RUVBL1: variants seen among roughly 807,000 people sequenced by gnomAD.
The protein encoded by RUVBL1 is RuvB like AAA ATPase 1.
A neutral mutation model predicts 52.4 loss-of-function variants in RUVBL1; 4 were observed. The observed-to-expected ratio is 0.08, with a 90% CI of 0.04 to 0.17. RUVBL1 has a LOEUF of 0.17. Ranked by LOEUF, RUVBL1 falls within the 10% of genes least tolerant of loss-of-function variation. The pLI is 1.00. For missense variants in RUVBL1, 298 were observed against 572.8 expected (o/e 0.52, Z 4.90); for synonymous variants, 217 against 214.4 (o/e 1.01, Z -0.10).
intron 7 of RUVBL1, among the ~76,000 whole-genome samples, chr3:128,098,318 C>T (rs1287988117): frequency 6.6e-6 from 1 of 152,182 alleles, no homozygotes; most frequent in Non-Finnish European, 1.5e-5. Flanking sequence ...ACAGAAAGGT[C>T]TCAGATTGCT....
chr3:128,071,908 G>A (rs533072811), intron 9 of RUVBL1, among the ~76,000 whole-genome samples: 1 of 152,222 alleles, frequency 6.6e-6, no homozygotes, highest in Non-Finnish European at 1.5e-5. Flanking sequence ...GGCTCTGCCC[G>A]TGAGGCAGAG....
At chr3:128,080,672 G>A (rs1385222134), downstream of RUVBL1, among the ~76,000 whole-genome samples, 5 of 152,276 alleles carry the variant, frequency 3.3e-5, no homozygotes. Context: ...CCTCAAAACT[G>A]TCAGGGTCAT....
chr3:128,118,474 A>T (rs1278365466), intron 2 of RUVBL1, among the ~76,000 whole-genome samples: 1 of 152,176 alleles, frequency 6.6e-6, no homozygotes, highest in Non-Finnish European at 1.5e-5. Context: ...TAGCAAGTCA[A>T]TACTAGAGCT....
chr3:128,115,659 A>T (rs1409374649), intron 2 of RUVBL1, among the ~76,000 whole-genome samples: 1 of 152,214 alleles, frequency 6.6e-6, no homozygotes. Context: ...AATGAAAGAC[A>T]TATGCTTCTA....
chr3:128,127,433 T>C (rs1238866101), upstream of RUVBL1, among the ~76,000 whole-genome samples: 3 of 152,190 alleles, frequency 2.0e-5, no homozygotes, highest in Non-Finnish European at 4.4e-5. Context: ...ACCTTTGCTC[T>C]TTCACCTCCA....
At chr3:128,106,588 T>C (rs1285242670) in intron 3 of RUVBL1, among the ~76,000 whole-genome samples, 1 of 152,164 alleles carries the variant, frequency 6.6e-6, no homozygotes, top group Non-Finnish European at 1.5e-5. Flanking sequence ...CCTCTGCAGA[T>C]TGCCCACACC....
chr3:128,109,808 A>ATTT (rs1463569803), intron 3 of RUVBL1, among the ~76,000 whole-genome samples: 5 of 52,296 alleles, frequency 9.6e-5, no homozygotes, highest in East Asian at 6.2e-4. Flanking sequence ...CCTCTCTGTA[A>ATTT]ATTTTTTTTT....
At chr3:128,074,864 AACTT>A (rs1942264697) in intron 9 of RUVBL1, among the ~76,000 whole-genome samples, 1 of 151,306 alleles carries the variant, frequency 6.6e-6, no homozygotes, top group Non-Finnish European at 1.5e-5. Flanking sequence ...AAAAAAAAAA[AACTT>A]AAAAAACCAT....
intron 4 of RUVBL1, among the ~76,000 whole-genome samples, chr3:128,103,258 T>C (rs1943145591): frequency 6.6e-6 from 1 of 152,240 alleles, no homozygotes; most frequent in African/African-American, 2.4e-5. Context: ...AATATACTTC[T>C]TTTTTGCCTC....
At chr3:128,095,014 A>T (rs1942937522) in intron 8 of RUVBL1, among the ~76,000 whole-genome samples, 1 of 152,240 alleles carries the variant, frequency 6.6e-6, no homozygotes, top group African/African-American at 2.4e-5. Context: ...CCATGTTCTG[A>T]GTGTCTTCCT....
intron 1 of RUVBL1, among the ~76,000 whole-genome samples, chr3:128,140,393 CCCA>C (rs1944006257): frequency 6.6e-6 from 1 of 151,230 alleles, no homozygotes; most frequent in South Asian, 2.1e-4. Flanking sequence ...TGCACCTGCT[CCCA>C]CGTTTTCAGC....
upstream of RUVBL1, among the ~76,000 whole-genome samples, chr3:128,125,861 T>C (rs1387371736): frequency 6.6e-6 from 1 of 152,230 alleles, no homozygotes; most frequent in African/African-American, 2.4e-5. Flanking sequence ...GAAGGAAACT[T>C]TTCCACCAAC....
At position 128,087,134 on chromosome 3, in the gene RUVBL1, A is replaced by G. The variant is rs556062549; in HGVS notation, c.1119+572T>C. On this transcript the variant is annotated intron_variant, in intron 9 of 10. Coordinates refer to ENST00000322623, the MANE Select transcript of RUVBL1 (RefSeq NM_003707.3). ...ACAGACCTGCCCAGGGGCGGCCTCCAAAGCTGCCGAGAAACTTGTCATGCT... is the reference window on the plus strand; with the variant it reads ...ACAGACCTGCCCAGGGGCGGCCTCCGAAGCTGCCGAGAAACTTGTCATGCT... 1.8e-4 allele frequency among the ~76,000 whole-genome samples: 27 copies of G among 152,366 alleles called. No individual in the cohort carries two copies. In the South Asian group the frequency reaches 5.4e-3, roughly 30 times the overall value.
chr3:128,116,192 A>G (rs1943518270), intron 2 of RUVBL1, among the ~76,000 whole-genome samples: 2 of 151,954 alleles, frequency 1.3e-5, no homozygotes, highest in African/African-American at 4.8e-5. Flanking sequence ...AAAAAAAAAC[A>G]TAAAAGAGGA....
intron 1 of RUVBL1, among the ~76,000 whole-genome samples, chr3:128,122,088 G>C (rs990411692): frequency 6.6e-6 from 1 of 150,568 alleles, no homozygotes; most frequent in Admixed American, 6.6e-5. Context: ...CTTAGGCATA[G>C]AGCATGCACT....
At chr3:128,098,263 A>G (rs1943030184) in intron 7 of RUVBL1, among the ~76,000 whole-genome samples, 1 of 152,242 alleles carries the variant, frequency 6.6e-6, no homozygotes, top group Admixed American at 6.5e-5. Flanking sequence ...GAGGATGCAC[A>G]CCGAAAACCG....
intron 1 of RUVBL1, chr3:128,153,192 T>G (rs1404420333): frequency 8.6e-6 from 11 of 1,277,890 alleles, no homozygotes; most frequent in East Asian, 3.6e-5. Context: ...GTTCTCCAAG[T>G]CTCCACTCAC....
At chr3:128,096,385 G>A (rs1334776203) in intron 8 of RUVBL1, among the ~76,000 whole-genome samples, 1 of 152,162 alleles carries the variant, frequency 6.6e-6, no homozygotes, top group Non-Finnish European at 1.5e-5. Context: ...GCCCAGCTTT[G>A]GGCCAATCTT....
intron 8 of RUVBL1, among the ~76,000 whole-genome samples, chr3:128,089,214 T>C (rs989751482): frequency 1.3e-5 from 2 of 152,260 alleles, no homozygotes; most frequent in Non-Finnish European, 2.9e-5. Context: ...TATTTTTCTC[T>C]TGAACCCTTA....
Sources: gnomAD v4.1 joint callset for allele counts (sites outside exome capture counted in the v4.1 genomes callset) on GRCh38, gnomAD v4.1.1 for gene constraint, MANE v1.5 for transcripts, NCBI Gene and HGNC (gene_info 2026-07-23, HGNC 2026-07-21) for gene names.